Variants in TGFA observed in about 807,000 individuals in gnomAD.
TGFA encodes protransforming growth factor alpha.
TGFA carries 12 observed loss-of-function variants against 21.7 expected under a neutral mutation model. The observed-to-expected ratio is 0.55, with a 90% CI of 0.35 to 0.90. The LOEUF (loss-of-function observed/expected upper bound fraction) is 0.90, where lower values mean the gene tolerates loss of function less well. TGFA is among the 40% of genes least tolerant of loss of function. The pLI is 0.01. For synonymous variants in TGFA, 79 were observed against 88.1 expected (o/e 0.90, Z 0.58); for missense variants, 178 against 210.8 (o/e 0.84, Z 0.96).
chr2:70,491,783 T>C (rs1188281007), intron 2 of TGFA, among the ~76,000 whole-genome samples: 1 of 152,196 alleles, frequency 6.6e-6, no homozygotes, highest in Non-Finnish European at 1.5e-5. Flanking sequence ...ATGGCTTCCC[T>C]GCCCTGTGCA....
intron 2 of TGFA, among the ~76,000 whole-genome samples, chr2:70,482,541 T>A (rs148200327): frequency 3.9e-4 from 59 of 152,322 alleles, no homozygotes; most frequent in Non-Finnish European, 7.1e-4. Flanking sequence ...TTATATAAAT[T>A]TGTGGTCAGC....
intron 2 of TGFA, among the ~76,000 whole-genome samples, chr2:70,498,247 AGGGACAATGTTG>A (rs1218482071): frequency 6.6e-6 from 1 of 152,264 alleles, no homozygotes; most frequent in Non-Finnish European, 1.5e-5. Flanking sequence ...CAATACCACC[AGGGACAATGTTG>A]GGCACAAATT....
At chr2:70,491,532 G>T (rs1328310359) in intron 2 of TGFA, among the ~76,000 whole-genome samples, 1 of 152,094 alleles carries the variant, frequency 6.6e-6, no homozygotes, top group Non-Finnish European at 1.5e-5. Flanking sequence ...TATGAAACTT[G>T]GTTTTTAAAA....
chr2:70,492,107 G>C (rs1553497750), intron 2 of TGFA, among the ~76,000 whole-genome samples: 3 of 152,140 alleles, frequency 2.0e-5, no homozygotes, highest in Admixed American at 6.5e-5. Context: ...TACAGGGAGA[G>C]GAAAAAGTAT....
intron 2 of TGFA, among the ~76,000 whole-genome samples, chr2:70,487,009 G>T (rs975865760): frequency 6.6e-6 from 1 of 152,130 alleles, no homozygotes; most frequent in Non-Finnish European, 1.5e-5. Context: ...TGATCTGCCC[G>T]CCTCGGCCTC....
rs548927072 is a variant in TGFA at position 70,486,311 on chromosome 2, A to G, written c.95-20575T>C. On this transcript the variant is annotated intron_variant, in intron 2 of 5. Coordinates refer to ENST00000295400, the MANE Select transcript of TGFA (RefSeq NM_003236.4). Reference sequence around the variant, plus strand: ...AAGGCAGGATATTTTGCCTCCTTCCATCCGTGTCTGAGTACCTCTAAGGTA... The same window carrying G: ...AAGGCAGGATATTTTGCCTCCTTCCGTCCGTGTCTGAGTACCTCTAAGGTA... Among the ~76,000 whole-genome samples, 10 of 152,310 alleles carry G rather than the reference A, an allele frequency of 6.6e-5. 1 individual carries two copies. In the East Asian group the frequency reaches 9.6e-4, roughly 15 times the overall value.
chr2:70,496,948 A>G (rs1336700687), intron 2 of TGFA, among the ~76,000 whole-genome samples: 2 of 152,262 alleles, frequency 1.3e-5, no homozygotes, highest in African/African-American at 4.8e-5. Context: ...AGCTACTGCC[A>G]GAATCACCAT....
chr2:70,479,926 CAT>C (rs1251363786), intron 2 of TGFA, among the ~76,000 whole-genome samples: 5 of 152,224 alleles, frequency 3.3e-5, no homozygotes, highest in Admixed American at 1.3e-4. Flanking sequence ...AAAATCTTCT[CAT>C]ATGATGAAAT....
intron 2 of TGFA, among the ~76,000 whole-genome samples, chr2:70,478,905 ATTTAG>A (rs1559110712): frequency 2.6e-5 from 4 of 152,158 alleles, no homozygotes; most frequent in South Asian, 4.1e-4. Flanking sequence ...TTTTAAAAAA[ATTTAG>A]TTTATTTTCT....
At chr2:70,526,804 A>T (rs1223042297) in intron 1 of TGFA, among the ~76,000 whole-genome samples, 3 of 152,196 alleles carry the variant, frequency 2.0e-5, no homozygotes, top group African/African-American at 4.8e-5. Context: ...TTCTGCTAGG[A>T]TGGTTTAGTT....
chr2:70,453,004 T>C (rs1306257978), intron 5 of TGFA, among the ~76,000 whole-genome samples: 1 of 152,106 alleles, frequency 6.6e-6, no homozygotes, highest in Non-Finnish European at 1.5e-5. Context: ...GAGTAACTTG[T>C]CAAAGGTCCC....
At chr2:70,506,369 G>C (rs1671926589) in intron 2 of TGFA, among the ~76,000 whole-genome samples, 1 of 152,190 alleles carries the variant, frequency 6.6e-6, no homozygotes, top group Admixed American at 6.5e-5. Flanking sequence ...AGTACATTCA[G>C]CCTCATCTTC....
intron 2 of TGFA, among the ~76,000 whole-genome samples, chr2:70,500,748 C>A (rs1166661778): frequency 6.6e-6 from 1 of 152,204 alleles, no homozygotes; most frequent in Non-Finnish European, 1.5e-5. Flanking sequence ...TGGCCCTGGG[C>A]ACCCTTGCTC....
At chr2:70,547,807 A>G (rs549828820) in intron 1 of TGFA, among the ~76,000 whole-genome samples, 42 of 147,888 alleles carry the variant, frequency 2.8e-4, no homozygotes, top group Non-Finnish European at 5.5e-4. Flanking sequence ...TACAATATAT[A>G]CTATCTATAT....
At chr2:70,500,342 A>C (rs1469195532) in intron 2 of TGFA, among the ~76,000 whole-genome samples, 1 of 152,210 alleles carries the variant, frequency 6.6e-6, no homozygotes, top group African/African-American at 2.4e-5. Flanking sequence ...GCCTTTGAAC[A>C]CCAATAAAAA....
chr2:70,525,930 T>A (rs1392397882), intron 1 of TGFA, among the ~76,000 whole-genome samples: 1 of 152,198 alleles, frequency 6.6e-6, no homozygotes, highest in African/African-American at 2.4e-5. Flanking sequence ...CTTGTCTTGC[T>A]TAACATATTG....
intron 2 of TGFA, chr2:70,467,687 C>T (rs1009570851): frequency 6.6e-6 from 1 of 152,158 alleles, no homozygotes; most frequent in Non-Finnish European, 1.5e-5. Context: ...GTTCCTGGAG[C>T]TCTTGCTCTC....
chr2:70,472,435 C>T (rs1210620070), intron 2 of TGFA, among the ~76,000 whole-genome samples: 1 of 152,226 alleles, frequency 6.6e-6, no homozygotes, highest in Non-Finnish European at 1.5e-5. Context: ...ATCTTGCAGA[C>T]ACCACTGCTC....
intron 1 of TGFA, among the ~76,000 whole-genome samples, chr2:70,539,023 A>G (rs60041013): frequency 0.13 from 20,260 of 152,254 alleles, 1,950 homozygotes; most frequent in African/African-American, 0.27. Context: ...AGCCAACGAC[A>G]TCAAGGTGAT....
Sources: allele counts gnomAD v4.1 joint callset (sites outside exome capture counted in the v4.1 genomes callset), GRCh38; gene constraint gnomAD v4.1.1; transcripts MANE v1.5; gene names NCBI Gene and HGNC (gene_info 2026-07-23, HGNC 2026-07-21).